The following ARHGEF18 variants were observed in gnomAD, a reference collection of about 807,000 sequenced individuals.
ARHGEF18 encodes Rho/Rac guanine nucleotide exchange factor 18.
A neutral mutation model predicts 155.7 loss-of-function variants in ARHGEF18; 93 were observed. The observed-to-expected ratio is 0.60, with a 90% CI of 0.50 to 0.71. The LOEUF is 0.71. Among genes scored for constraint, ARHGEF18 ranks in the 30% least tolerant of loss-of-function variants. The pLI, the probability that ARHGEF18 is intolerant of heterozygous loss-of-function variation, is 0.00. For missense variants in ARHGEF18, 1,593 were observed against 1,816.1 expected (o/e 0.88, Z 2.23); for synonymous variants, 742 against 753.1 (o/e 0.99, Z 0.24).
chr19:7,422,254 A>C (rs1330652471), intron 10 of ARHGEF18, among the ~76,000 whole-genome samples: 1 of 151,930 alleles, frequency 6.6e-6, no homozygotes, highest in Non-Finnish European at 1.5e-5. Context: ...GTCGTAGGGC[A>C]GCATGTAAAA....
At chr19:7,363,000 G>A (rs1969694847) in intron 2 of ARHGEF18, 95 bp downstream of exon 2, 1 of 1,212,080 alleles carries the variant, frequency 8.3e-7, no homozygotes, top group African/African-American at 1.6e-5. Context: ...GGCACTTTGT[G>A]TACATTATCT....
At chr19:7,383,308 TTC>T (rs1338689093) in intron 10 of ARHGEF18, 105 bp downstream of exon 10, 4 of 1,204,464 alleles carry the variant, frequency 3.3e-6, no homozygotes. Flanking sequence ...TGCATCCTCG[TTC>T]TGTTTTGCCC....
intron 10 of ARHGEF18, among the ~76,000 whole-genome samples, chr19:7,390,977 T>A (rs1971370977): frequency 6.6e-6 from 1 of 151,932 alleles, no homozygotes; most frequent in African/African-American, 2.4e-5. Flanking sequence ...GAAGCAGAGG[T>A]TGCAGTGAGC....
At chr19:7,367,284 GTCTT>G (rs1443933682) in intron 2 of ARHGEF18, among the ~76,000 whole-genome samples, 2 of 152,088 alleles carry the variant, frequency 1.3e-5, no homozygotes, top group Non-Finnish European at 2.9e-5. Context: ...CTTGACTGAG[GTCTT>G]TTTACCCAAT....
downstream of ARHGEF18, among the ~76,000 whole-genome samples, chr19:7,474,536 GC>G (rs1977173557): frequency 1.3e-5 from 2 of 151,808 alleles, no homozygotes; most frequent in Admixed American, 1.3e-4. Flanking sequence ...CCACCATCAT[GC>G]CCGGCTAATT....
intron 10 of ARHGEF18, among the ~76,000 whole-genome samples, chr19:7,419,758 G>A (rs1168592715): frequency 6.6e-6 from 1 of 152,026 alleles, no homozygotes; most frequent in Admixed American, 6.6e-5. Flanking sequence ...GTCGGGCAGG[G>A]CACTTTTCCC....
rs141068023 is a variant in ARHGEF18 at position 7,369,457 on chromosome 19, G to A, written c.16-3355G>A. 1.3e-4 allele frequency among the ~76,000 whole-genome samples: 19 copies of A among 148,698 alleles called. No individual in the cohort carries two copies. In the East Asian group the frequency reaches 2.2e-3, roughly 17 times the overall value. On this transcript the variant is annotated intron_variant, in intron 2 of 28. Transcript: ENST00000668164. ...GCCTAGGCAACAAGAGTGAAACTCCGTCTCAGGAAAAAAAAGAAAAAAAAA... is the reference window on the plus strand; with the variant it reads ...GCCTAGGCAACAAGAGTGAAACTCCATCTCAGGAAAAAAAAGAAAAAAAAA...
At chr19:7,422,090 C>T (rs116120626) in intron 10 of ARHGEF18, among the ~76,000 whole-genome samples, 4 of 152,034 alleles carry the variant, frequency 2.6e-5, no homozygotes, top group East Asian at 1.9e-4. Context: ...TTTGTCACCT[C>T]GCACTCAGGC....
chr19:7,434,391 T>G (rs960865724), intron 10 of ARHGEF18, among the ~76,000 whole-genome samples: 2 of 152,130 alleles, frequency 1.3e-5, no homozygotes, highest in Non-Finnish European at 2.9e-5. Flanking sequence ...TAGGGTATAT[T>G]TTTTCCCCCT....
intron 14 of ARHGEF18, 54 bp from the exon 15 acceptor site, chr19:7,446,989 T>C: frequency 1.3e-6 from 2 of 1,587,110 alleles, no homozygotes. Flanking sequence ...TAGATGAAAA[T>C]ACTCTTTGGC....
intron 2 of ARHGEF18, among the ~76,000 whole-genome samples, chr19:7,369,632 A>G (rs1412000403): frequency 1.3e-5 from 2 of 151,782 alleles, no homozygotes; most frequent in African/African-American, 4.8e-5. Context: ...CTCTGTCTCT[A>G]CTAAAAATAC....
chr19:7,401,126 G>A (rs759983280), intron 10 of ARHGEF18, among the ~76,000 whole-genome samples: 1 of 152,166 alleles, frequency 6.6e-6, no homozygotes, highest in African/African-American at 2.4e-5. Flanking sequence ...GGATAGTGAC[G>A]GACCAGGTAG....
At chr19:7,370,877 G>A (rs1347452632) in intron 2 of ARHGEF18, among the ~76,000 whole-genome samples, 1 of 151,442 alleles carries the variant, frequency 6.6e-6, no homozygotes, top group Non-Finnish European at 1.5e-5. Flanking sequence ...GACTCGTCGG[G>A]TTCATAGATT....
intron 6 of ARHGEF18, among the ~76,000 whole-genome samples, 176 bp downstream of exon 6, chr19:7,378,627 G>T (rs990075454): frequency 2.6e-5 from 4 of 151,394 alleles, no homozygotes; most frequent in Non-Finnish European, 5.9e-5. Flanking sequence ...TCTCCCGGTG[G>T]GAGGGACCCA....
At chr19:7,465,088 A>AGGTCAGGG (rs1218218957) in intron 23 of ARHGEF18, among the ~76,000 whole-genome samples, 1 of 151,888 alleles carries the variant, frequency 6.6e-6, no homozygotes, top group Non-Finnish European at 1.5e-5. Flanking sequence ...GGCCCTGCCC[A>AGGTCAGGG]GGTCAGGGGG....
chr19:7,458,520 GC>G lies in ARHGEF18; in HGVS notation c.2192del (p.Pro731HisfsTer11). On this transcript the variant is annotated frameshift_variant, in exon 19 of 29. Transcript: ENST00000668164. LOFTEE classifies it high-confidence loss of function. ...KYVFASVDSKPPVISLQKLIV... is the reference protein window; with the variant it reads ...KYVFASVDSKXPVISLQKLIV... ...GCCCTCTACTCATGCAGGACTCAAA[GC>G]CACCCGTCATCTCGTTACAAAAGCT... is the stretch of plus-strand genomic sequence containing the variant. The G allele has an allele frequency of 6.2e-7, 1 of 1,613,982 alleles. No homozygotes were observed. The highest frequency in any genetic ancestry group is 8.5e-7 in the Non-Finnish European group (1 of 1,179,922).
intron 10 of ARHGEF18, among the ~76,000 whole-genome samples, chr19:7,393,047 C>CAAAAAAAAAAAAAAAAAAAAAAAAAA: frequency 1.8e-5 from 1 of 56,684 alleles, no homozygotes; most frequent in Non-Finnish European, 3.4e-5. Flanking sequence ...GATCCTGTCT[C>CAAAAAAAAAAAAAAAAAAAAAAAAAA]AAAAAAAAAA....
At position 7,462,405 on chromosome 19, in the gene ARHGEF18, G is replaced by T; in HGVS notation, c.2635+71G>T. The T allele has an allele frequency of 6.9e-7, 1 of 1,457,238 alleles. No homozygotes were observed. The highest frequency in any genetic ancestry group is 9.1e-7 in the Non-Finnish European group (1 of 1,102,472). The allele number at this position is 1,457,238 out of a possible 1,614,324, so 90.3% of individuals were successfully genotyped here. A position where few individuals can be genotyped will look rare whatever the true frequency, so the allele number is the denominator to read the frequency against. On this transcript the variant is annotated intron_variant, in intron 21 of 28. Coordinates refer to ENST00000668164, the MANE Select transcript of ARHGEF18 (RefSeq NM_001367823.1). This position sits in a 1 kb window ranked among gnomAD's most constrained non-coding sequence, Gnocchi z 4.4. Reference sequence around the variant, plus strand: ...GGCTCCTCAGGGAACCCCAGGCCAGGCTCACGGCTCATTGTGGCCGACACG... The same window carrying T: ...GGCTCCTCAGGGAACCCCAGGCCAGTCTCACGGCTCATTGTGGCCGACACG...
chr19:7,450,030 G>A (rs927663249), intron 15 of ARHGEF18, among the ~76,000 whole-genome samples: 8 of 152,120 alleles, frequency 5.3e-5, no homozygotes, highest in African/African-American at 1.9e-4. Context: ...GGTATCTGGT[G>A]TCTGTCTCCT....
Sources: allele counts gnomAD v4.1 joint callset (sites outside exome capture counted in the v4.1 genomes callset), GRCh38; gene constraint gnomAD v4.1.1; non-coding constraint Gnocchi (gnomAD v3.1); transcripts MANE v1.5; gene names NCBI Gene and HGNC (gene_info 2026-07-23, HGNC 2026-07-21).